Variants in AHCYL1 observed in about 807,000 individuals in gnomAD.
The protein encoded by AHCYL1 is S-adenosylhomocysteine hydrolase-like protein 1.
In AHCYL1, 20 loss-of-function variants were observed where a neutral mutation model predicts 79.3. That is an observed-to-expected ratio of 0.25 (90% CI 0.18 to 0.37). The LOEUF (loss-of-function observed/expected upper bound fraction) is 0.37. AHCYL1 is among the 10% of genes least tolerant of loss of function. The probability of loss-of-function intolerance (pLI) is 1.00; values close to 1 mark genes in which losing one functional copy is unlikely to be tolerated. For missense variants in AHCYL1, 330 were observed against 673.6 expected, an observed-to-expected ratio of 0.49 and a Z score of 5.65; for synonymous variants, 223 against 242.2, an observed-to-expected ratio of 0.92 and a Z score of 0.74.
chr1:109,985,225 G>T, intron 1 of AHCYL1, 53 bp downstream of exon 1: 1 of 1,573,566 alleles, frequency 6.4e-7, no homozygotes, highest in Admixed American at 1.8e-5. Flanking sequence ...TCGCGGAAGG[G>T]ACGCGAGCAA....
chr1:110,007,993 T>TA (rs1245982365), intron 1 of AHCYL1, among the ~76,000 whole-genome samples: 1 of 151,292 alleles, frequency 6.6e-6, no homozygotes, highest in African/African-American at 2.4e-5. Flanking sequence ...AGTTCTGGCT[T>TA]ATTTCATTTA....
At position 110,012,899 on chromosome 1, in the gene AHCYL1, G is replaced by A. The variant is rs1382388772; in HGVS notation, c.480G>A (p.Val160=). The part of the protein sequence containing the change: ...GCTHITAQTA[V]LIETLCALGA... Reference sequence around the variant, plus strand: ...TGTCTTCCTACACTTCTACACAGGTGTTGATTGAGACACTCTGTGCCCTGG... The same window carrying A: ...TGTCTTCCTACACTTCTACACAGGTATTGATTGAGACACTCTGTGCCCTGG... The change falls in exon 5 of 17, where the codon GTG becomes GTA. Residue 160 remains valine (V), a splice_region_variant and synonymous_variant. Transcript: ENST00000369799. 2 of 1,610,004 alleles carry A rather than the reference G, an allele frequency of 1.2e-6. No individual in the cohort carries two copies. Among genetic ancestry groups the A allele is most frequent in the Admixed American group, 1.7e-5 (1 of 59,474 alleles).
At chr1:109,987,109 C>T (rs987634983) in intron 1 of AHCYL1, among the ~76,000 whole-genome samples, 1 of 152,292 alleles carries the variant, frequency 6.6e-6, no homozygotes, top group South Asian at 2.1e-4. Flanking sequence ...AAGTTTTATT[C>T]TTTAGCATTT....
At chr1:110,015,332 C>T in intron 6 of AHCYL1, 93 bp from the exon 7 acceptor site, 1 of 964,438 alleles carries the variant, frequency 1.0e-6, no homozygotes, top group Non-Finnish European at 1.7e-6. Flanking sequence ...CCAAAACATA[C>T]AGGGCTCTCT....
At chr1:110,008,968 TAA>T in intron 1 of AHCYL1, 64 bp from the exon 2 acceptor site, 43 of 1,084,220 alleles carry the variant, frequency 4.0e-5, no homozygotes, top group Admixed American at 8.8e-5. Context: ...AATGTATCCT[TAA>T]AAAAAAAAAC....
chr1:109,992,816 A>G (rs1252440412), intron 1 of AHCYL1, among the ~76,000 whole-genome samples: 2 of 152,324 alleles, frequency 1.3e-5, no homozygotes, highest in East Asian at 3.9e-4. Context: ...GAGCACAAAA[A>G]TATGCGTATT....
intron 1 of AHCYL1, among the ~76,000 whole-genome samples, chr1:109,997,952 A>G (rs992277272): frequency 6.6e-5 from 10 of 152,220 alleles, no homozygotes; most frequent in African/African-American, 1.7e-4. Flanking sequence ...AACTCATCTC[A>G]TTAGAGAACA....
intron 10 of AHCYL1, 124 bp from the exon 11 acceptor site, chr1:110,017,822 T>C (rs536378386): frequency 1.9e-6 from 2 of 1,032,506 alleles, no homozygotes; most frequent in Admixed American, 1.9e-5. Context: ...GCAGAGCTTA[T>C]CACTCACCAT....
At chr1:109,985,445 T>A in intron 1 of AHCYL1, 2 of 1,156,958 alleles carry the variant, frequency 1.7e-6, no homozygotes, top group Non-Finnish European at 2.1e-6. Flanking sequence ...TTTTCCTGGA[T>A]GAAGGGCCTC....
At chr1:110,013,827 G>A (rs1651229257) in intron 5 of AHCYL1, among the ~76,000 whole-genome samples, 1 of 140,644 alleles carries the variant, frequency 7.1e-6, no homozygotes, top group Non-Finnish European at 1.5e-5. Context: ...TTAAGATGGA[G>A]TCTTACTCTG....
intron 1 of AHCYL1, chr1:109,995,840 A>G (rs972614971): frequency 4.3e-5 from 11 of 258,226 alleles, no homozygotes; most frequent in African/African-American, 2.1e-4. Flanking sequence ...CAGCTTCACC[A>G]GATAAACTTG....
intron 7 of AHCYL1, 126 bp downstream of exon 7, chr1:110,015,657 T>C (rs1244203717): frequency 4.2e-6 from 3 of 706,662 alleles, no homozygotes; most frequent in South Asian, 2.4e-5. Flanking sequence ...AGATAAAATT[T>C]TGAGTTTTTA....
chr1:110,018,138 C>A, intron 11 of AHCYL1, 122 bp downstream of exon 11: 1 of 1,121,172 alleles, frequency 8.9e-7, no homozygotes, highest in Non-Finnish European at 1.3e-6. Context: ...CTAGAATAAG[C>A]TATCAGAACC....
At chr1:110,012,521 T>C (rs1051165897) in intron 4 of AHCYL1, 59 bp downstream of exon 4, 82 of 1,415,970 alleles carry the variant, frequency 5.8e-5, no homozygotes, top group Non-Finnish European at 7.7e-5. Context: ...AATCAATTTT[T>C]TTTTTTTCAC....
intron 10 of AHCYL1, 149 bp from the exon 11 acceptor site, chr1:110,017,797 A>C: frequency 3.4e-6 from 3 of 890,676 alleles, no homozygotes; most frequent in Non-Finnish European, 5.2e-6. Flanking sequence ...TGAAGAGGCC[A>C]GTGTATATAG....
chr1:110,020,578 T>C (rs1651735016), intron 15 of AHCYL1, among the ~76,000 whole-genome samples, 153 bp from the exon 16 acceptor site: 1 of 152,200 alleles, frequency 6.6e-6, no homozygotes, highest in Non-Finnish European at 1.5e-5. Flanking sequence ...GGTTTTTTTT[T>C]TAATTAAGCA....
At chr1:110,002,694 G>T (rs1650382805) in intron 1 of AHCYL1, among the ~76,000 whole-genome samples, 1 of 152,112 alleles carries the variant, frequency 6.6e-6, no homozygotes, top group Non-Finnish European at 1.5e-5. Flanking sequence ...ACTTTTACTT[G>T]CAAAAGAGAA....
intron 1 of AHCYL1, among the ~76,000 whole-genome samples, chr1:110,007,389 A>G (rs1453794960): frequency 6.6e-6 from 1 of 152,204 alleles, no homozygotes; most frequent in Non-Finnish European, 1.5e-5. Context: ...AAATAACAGC[A>G]TATTGAGTTG....
chr1:110,015,607 C>T, intron 7 of AHCYL1, 76 bp downstream of exon 7: 1 of 1,239,294 alleles, frequency 8.1e-7, no homozygotes, highest in Admixed American at 1.8e-5. Flanking sequence ...GGCTTTAGGA[C>T]TGTGTTTCAG....
Sources: gnomAD v4.1 joint callset for allele counts (sites outside exome capture counted in the v4.1 genomes callset) on GRCh38, gnomAD v4.1.1 for gene constraint, MANE v1.5 for transcripts, NCBI Gene and HGNC (gene_info 2026-07-23, HGNC 2026-07-21) for gene names.